Variants in FBXL17 observed in about 807,000 individuals in gnomAD.
The protein encoded by FBXL17 is F-box and leucine rich repeat protein 17, also known as F-box/LRR-repeat protein 17.
A neutral mutation model predicts 66.2 loss-of-function variants in FBXL17; 22 were observed. The ratio of observed to expected loss-of-function variants is 0.33; its 90% confidence interval spans 0.24 to 0.47. The LOEUF (loss-of-function observed/expected upper bound fraction) is 0.47. Ranked by LOEUF, FBXL17 falls within the 20% of genes least tolerant of loss-of-function variation. The probability of loss-of-function intolerance (pLI) is 1.00; values close to 1 mark genes in which losing one functional copy is unlikely to be tolerated. For synonymous variants in FBXL17, 474 were observed against 400.5 expected (o/e 1.18, Z -2.19); for missense variants, 878 against 948.2 (o/e 0.93, Z 0.97).
In FBXL17 at chr5:108,185,991, AAACAT is replaced by A; in HGVS notation, c.1745+121_1745+125del. The A allele has an allele frequency of 6.8e-6, 5 of 740,166 alleles. No homozygotes were observed. The South Asian group carries it at 8.9e-5, about 13-fold the overall frequency. 45.8% of individuals were successfully genotyped at this position (740,166 alleles called of 1,614,324 possible). A position where few individuals can be genotyped will look rare whatever the true frequency, so the allele number is the denominator to read the frequency against. ...TAGATCTAGATGGTTTTCAAAACTT[AAACAT>A]AACAATTTGAAAAGGCACAGCTGTA... On this transcript the variant is annotated intron_variant, in intron 6 of 8. Transcript: ENST00000542267.
intron 6 of FBXL17, among the ~76,000 whole-genome samples, chr5:108,122,053 A>T (rs2149965794): frequency 1.3e-5 from 2 of 152,298 alleles, no homozygotes; most frequent in South Asian, 4.1e-4. Flanking sequence ...CATCTTTGAA[A>T]GGCAATGAAA....
At chr5:107,908,931 T>C (rs1251476981) in intron 7 of FBXL17, among the ~76,000 whole-genome samples, 3 of 152,152 alleles carry the variant, frequency 2.0e-5, no homozygotes, top group Admixed American at 1.3e-4. Context: ...TCTGAAATGG[T>C]TCTATCTGCC....
chr5:107,921,100 A>G (rs1424066765), intron 7 of FBXL17, among the ~76,000 whole-genome samples: 2 of 152,242 alleles, frequency 1.3e-5, no homozygotes, highest in Non-Finnish European at 2.9e-5. Flanking sequence ...ACTATAATAA[A>G]TTGAGTAAAA....
At chr5:108,017,700 A>G (rs1754437598) in intron 7 of FBXL17, among the ~76,000 whole-genome samples, 1 of 152,156 alleles carries the variant, frequency 6.6e-6, no homozygotes, top group Non-Finnish European at 1.5e-5. Flanking sequence ...CCAATGACAT[A>G]CATTTGTTCA....
chr5:108,061,563 C>T (rs1747924724), intron 6 of FBXL17, among the ~76,000 whole-genome samples: 1 of 152,116 alleles, frequency 6.6e-6, no homozygotes, highest in Non-Finnish European at 1.5e-5. Flanking sequence ...CTTTTTCCCA[C>T]TCAATATTTT....
chr5:108,051,120 G>T (rs1747456235), intron 6 of FBXL17, among the ~76,000 whole-genome samples: 1 of 152,160 alleles, frequency 6.6e-6, no homozygotes, highest in Admixed American at 6.5e-5. Context: ...AGAAAGCCCA[G>T]GACCAGATGC....
At chr5:108,170,478 T>C (rs557968554) in intron 6 of FBXL17, among the ~76,000 whole-genome samples, 83 of 152,310 alleles carry the variant, frequency 5.4e-4, no homozygotes, top group African/African-American at 2.0e-3. Context: ...GAGTTTTTGG[T>C]AGATATTAGT....
intron 4 of FBXL17, among the ~76,000 whole-genome samples, chr5:108,236,147 C>T (rs1274121476): frequency 1.3e-5 from 2 of 152,122 alleles, no homozygotes; most frequent in Middle Eastern, 3.4e-3. Flanking sequence ...GAGGTCGAGG[C>T]TGCAGTGAGC....
Position 108,249,551 on chromosome 5 carries a change from T to C in FBXL17, c.1507-25323A>G, listed in dbSNP as rs532930262. The stretch of plus-strand genomic sequence containing the variant: ...TTCTACATTTAACTTATTCAAATAG[T>C]GAAGCTTGTTGCTCTGCAACCTTTG... On this transcript the variant is annotated intron_variant, in intron 4 of 8. Coordinates refer to ENST00000542267, the MANE Select transcript of FBXL17 (RefSeq NM_001163315.3). 4.6e-5 allele frequency among the ~76,000 whole-genome samples: 7 copies of C among 152,244 alleles called. No homozygotes were observed. In the East Asian group the frequency reaches 5.8e-4, roughly 13 times the overall value.
intron 4 of FBXL17, among the ~76,000 whole-genome samples, chr5:108,240,075 G>GC (rs1427805722): frequency 6.6e-6 from 1 of 151,980 alleles, no homozygotes; most frequent in African/African-American, 2.4e-5. Flanking sequence ...GGCACTACTT[G>GC]CCATGGGCCT....
intron 4 of FBXL17, among the ~76,000 whole-genome samples, chr5:108,341,035 C>T (rs891583319): frequency 6.6e-6 from 1 of 152,064 alleles, no homozygotes; most frequent in African/African-American, 2.4e-5. Flanking sequence ...TGAAGATGAG[C>T]ACAAGAGATT....
At position 108,277,966 on chromosome 5, in the gene FBXL17, G is replaced by A. The variant is rs111250569; in HGVS notation, c.1507-53738C>T. On this transcript the variant is annotated intron_variant, in intron 4 of 8. Transcript: ENST00000542267. ...CATTTGCTTAGAAGACCCAAATCAT[G>A]TGTAGACAATCACACTGTGAATACA... Among the ~76,000 whole-genome samples the A allele has an allele frequency of 9.2e-5, 14 of 151,484 alleles. 2 individuals are homozygous for A. Among genetic ancestry groups the A allele is most frequent in the African/African-American group, 3.4e-4 (14 of 41,220 alleles).
At chr5:108,267,043 T>G (rs1208177282) in intron 4 of FBXL17, among the ~76,000 whole-genome samples, 1 of 152,136 alleles carries the variant, frequency 6.6e-6, no homozygotes, top group African/African-American at 2.4e-5. Flanking sequence ...ACAAAAAAAT[T>G]ATTCAAAAAA....
At chr5:108,186,520 C>T (rs1477997881) in intron 5 of FBXL17, among the ~76,000 whole-genome samples, 1 of 151,836 alleles carries the variant, frequency 6.6e-6, no homozygotes, top group African/African-American at 2.4e-5. Flanking sequence ...ATCTGTAATC[C>T]CAGCACTTTG....
rs757518981 is a variant in FBXL17 at position 108,248,863 on chromosome 5, G to A, written c.1507-24635C>T. On this transcript the variant is annotated intron_variant, in intron 4 of 8. Transcript: ENST00000542267. Reference sequence around the variant, plus strand: ...TATCCAGAAAAAAAATATCCTTCAGGAATGAATAGGAATTAGATAAGAAAA... The same window carrying A: ...TATCCAGAAAAAAAATATCCTTCAGAAATGAATAGGAATTAGATAAGAAAA... Among the ~76,000 whole-genome samples the A allele has an allele frequency of 6.6e-5, 10 of 152,102 alleles. 1 individual carries two copies. Among genetic ancestry groups the A allele is most frequent in the Admixed American group, 3.3e-4 (5 of 15,252 alleles).
intron 4 of FBXL17, among the ~76,000 whole-genome samples, chr5:108,266,232 A>G (rs1271919484): frequency 6.6e-6 from 1 of 152,152 alleles, no homozygotes; most frequent in Non-Finnish European, 1.5e-5. Flanking sequence ...AGTCTCCCTT[A>G]TCCATAGTTT....
At chr5:108,011,210 G>A (rs1754158130) in intron 7 of FBXL17, among the ~76,000 whole-genome samples, 1 of 152,206 alleles carries the variant, frequency 6.6e-6, no homozygotes, top group Non-Finnish European at 1.5e-5. Context: ...AGGCTAATTA[G>A]TAAGTAGCGA....
intron 6 of FBXL17, among the ~76,000 whole-genome samples, chr5:108,040,346 G>C (rs1349865655): frequency 1.3e-5 from 2 of 152,066 alleles, no homozygotes; most frequent in African/African-American, 4.8e-5. Context: ...CCATTCTAGA[G>C]TGTGGTCTAG....
chr5:108,154,013 C>T (rs974916196), intron 6 of FBXL17, among the ~76,000 whole-genome samples: 2 of 152,010 alleles, frequency 1.3e-5, no homozygotes, highest in Admixed American at 1.3e-4. Flanking sequence ...ACTCTGCCAA[C>T]AAATCTGCCT....
Sources: allele counts gnomAD v4.1 joint callset (sites outside exome capture counted in the v4.1 genomes callset), GRCh38; gene constraint gnomAD v4.1.1; transcripts MANE v1.5; gene names NCBI Gene and HGNC (gene_info 2026-07-23, HGNC 2026-07-21).